The following ESRRG variants were observed in gnomAD, a reference collection of about 807,000 sequenced individuals.
ESRRG encodes the protein estrogen related receptor gamma.
In ESRRG, 13 loss-of-function variants were observed where a neutral mutation model predicts 44.0. That is an observed-to-expected ratio of 0.30 (90% confidence interval 0.19 to 0.47). The LOEUF is 0.47. Ranked by LOEUF, ESRRG falls within the 20% of genes least tolerant of loss-of-function variation. The pLI, the probability that ESRRG is intolerant of heterozygous loss-of-function variation, is 1.00. For missense variants in ESRRG, 395 were observed against 580.6 expected (o/e 0.68, Z 3.29); for synonymous variants, 215 against 214.6 (o/e 1.00, Z -0.02).
chr1:216,506,924 C>A lies in ESRRG; in HGVS notation c.*15G>T. ...TTTTCAACATGAAGGATGGGAAGGC[C>A]CAGGGAGCTTTTAGTCAGACCTTGG... On this transcript the variant is annotated 3_prime_UTR_variant, in exon 7 of 7. Coordinates refer to ENST00000408911, the MANE Select transcript of ESRRG (RefSeq NM_001438.4). 6.2e-7 allele frequency: 1 copy of A among 1,610,012 alleles called. No homozygotes were observed. The highest frequency in any genetic ancestry group is 1.1e-5 in the South Asian group (1 of 90,556).
chr1:217,133,364 A>G (rs1014156258), intron 1 of ESRRG, among the ~76,000 whole-genome samples: 1 of 152,242 alleles, frequency 6.6e-6, no homozygotes, highest in African/African-American at 2.4e-5. Flanking sequence ...CTAGCGCCCC[A>G]TCTTCAGGAC....
chr1:216,673,559 G>A (rs2075586123), intron 2 of ESRRG, among the ~76,000 whole-genome samples: 1 of 152,184 alleles, frequency 6.6e-6, no homozygotes, highest in Non-Finnish European at 1.5e-5. Context: ...ATACATCAAT[G>A]CCAAGAATCA....
intron 2 of ESRRG, among the ~76,000 whole-genome samples, chr1:216,791,836 T>C (rs1442942334): frequency 6.6e-6 from 1 of 152,170 alleles, no homozygotes; most frequent in Non-Finnish European, 1.5e-5. Flanking sequence ...CAAATAGATC[T>C]TCTGCATAGT....
chr1:216,506,849 T>C lies in ESRRG; in HGVS notation c.*90A>G. 6.9e-7 allele frequency: 1 copy of C among 1,439,524 alleles called. No individual in the cohort carries two copies. Among genetic ancestry groups the C allele is most frequent in the East Asian group, 2.3e-5 (1 of 43,922 alleles). 89.2% of individuals were successfully genotyped at this position (1,439,524 alleles called of 1,614,324 possible). On this transcript the variant is annotated 3_prime_UTR_variant, in exon 7 of 7. Transcript: ENST00000408911. ...TGCAGTCTGTTGATTTTTGATGTTGTTAACTAAACTCTAAGTTTCTTCGAC... is the reference window on the plus strand; with the variant it reads ...TGCAGTCTGTTGATTTTTGATGTTGCTAACTAAACTCTAAGTTTCTTCGAC...
intron 2 of ESRRG, among the ~76,000 whole-genome samples, chr1:216,841,909 A>G (rs544024087): frequency 6.6e-6 from 1 of 152,302 alleles, no homozygotes; most frequent in African/African-American, 2.4e-5. Flanking sequence ...ACAAAAAAAA[A>G]GAGGGACATT....
intron 2 of ESRRG, among the ~76,000 whole-genome samples, chr1:216,917,391 C>T (rs138109250): frequency 1.4e-3 from 206 of 152,170 alleles, no homozygotes; most frequent in African/African-American, 4.3e-3. Context: ...ACCACTGACA[C>T]GCAACAAGTC....
At chr1:216,992,690 T>C (rs561063360) in intron 1 of ESRRG, among the ~76,000 whole-genome samples, 43 of 152,290 alleles carry the variant, frequency 2.8e-4, no homozygotes, top group African/African-American at 1.0e-3. Flanking sequence ...GATATCAAAT[T>C]CCAATATTGG....
chr1:216,512,793 G>A (rs1300515798), intron 6 of ESRRG, among the ~76,000 whole-genome samples: 1 of 152,086 alleles, frequency 6.6e-6, no homozygotes, highest in Non-Finnish European at 1.5e-5. Flanking sequence ...TTAAGTTAAG[G>A]ACCCTGATAT....
intron 5 of ESRRG, among the ~76,000 whole-genome samples, chr1:216,536,608 C>T (rs12128944): frequency 0.22 from 32,716 of 151,922 alleles, 4,081 homozygotes; most frequent in Non-Finnish European, 0.27. Context: ...GTGATGGTTT[C>T]TCTCTGTGAG....
At chr1:216,721,400 C>T (rs2086244940) in intron 1 of ESRRG, among the ~76,000 whole-genome samples, 1 of 152,184 alleles carries the variant, frequency 6.6e-6, no homozygotes, top group South Asian at 2.1e-4. Context: ...GAGGCAGATG[C>T]GTTGCTTAGC....
intron 5 of ESRRG, among the ~76,000 whole-genome samples, chr1:216,533,509 C>A (rs931120808): frequency 6.6e-6 from 1 of 151,942 alleles, no homozygotes; most frequent in Non-Finnish European, 1.5e-5. Context: ...AGATGAACAA[C>A]CATAAATGTG....
chr1:216,554,659 G>A (rs1196583246), intron 5 of ESRRG, among the ~76,000 whole-genome samples: 2 of 152,058 alleles, frequency 1.3e-5, no homozygotes, highest in Admixed American at 6.6e-5. Flanking sequence ...TTTGTAAAAT[G>A]CCATTAATAT....
intron 5 of ESRRG, among the ~76,000 whole-genome samples, chr1:216,528,354 T>C (rs965921501): frequency 1.3e-5 from 2 of 152,188 alleles, no homozygotes; most frequent in Admixed American, 6.6e-5. Context: ...AGAAGTAAAG[T>C]TGATGTTTCA....
rs561766656 is a variant in ESRRG at position 216,929,020 on chromosome 1, G to A, written c.-14+10562C>T. Among the ~76,000 whole-genome samples, 10 of 152,220 alleles carry A rather than the reference G, an allele frequency of 6.6e-5. No individual in the cohort carries two copies. In the South Asian group the frequency reaches 2.1e-3, roughly 32 times the overall value. On this transcript the variant is annotated intron_variant, in intron 2 of 7. Transcript: ENST00000359162. ...TTTGAGATGATGAAAAATATCTAGAGATGGATGATGAACAAGAATGGGAAT... is the reference window on the plus strand; with the variant it reads ...TTTGAGATGATGAAAAATATCTAGAAATGGATGATGAACAAGAATGGGAAT...
intron 2 of ESRRG, among the ~76,000 whole-genome samples, chr1:216,658,604 T>C (rs570062298): frequency 1.3e-5 from 2 of 149,762 alleles, no homozygotes; most frequent in Admixed American, 6.7e-5. Flanking sequence ...GTGGATCACC[T>C]GAGGTCAGGA....
intron 2 of ESRRG, among the ~76,000 whole-genome samples, chr1:216,865,493 C>T (rs1465945089): frequency 6.6e-6 from 1 of 151,900 alleles, no homozygotes; most frequent in Non-Finnish European, 1.5e-5. Context: ...TGGGAACTAG[C>T]CAAGCTTCCT....
At chr1:216,748,910 G>A (rs953975397) in intron 2 of ESRRG, among the ~76,000 whole-genome samples, 9 of 152,030 alleles carry the variant, frequency 5.9e-5, no homozygotes, top group African/African-American at 2.2e-4. Context: ...GCTGGGGAGG[G>A]GCCCATCCAT....
intron 1 of ESRRG, chr1:216,701,470 C>T (rs2081377749): frequency 6.6e-6 from 1 of 152,196 alleles, no homozygotes; most frequent in African/African-American, 2.4e-5. Flanking sequence ...TGTTTGCATT[C>T]ATCAGCAGAC....
At chr1:216,861,036 T>A (rs1559899782) in intron 2 of ESRRG, among the ~76,000 whole-genome samples, 1 of 152,246 alleles carries the variant, frequency 6.6e-6, no homozygotes, top group African/African-American at 2.4e-5. Context: ...CAGTTGAATG[T>A]AGTCTGTGAT....
Sources: gnomAD v4.1 joint callset for allele counts (sites outside exome capture counted in the v4.1 genomes callset) on GRCh38, gnomAD v4.1.1 for gene constraint, MANE v1.5 for transcripts, NCBI Gene and HGNC (gene_info 2026-07-23, HGNC 2026-07-21) for gene names.